Variants in SPACA6 observed in about 807,000 individuals in gnomAD.
SPACA6 encodes the protein sperm acrosome membrane-associated protein 6.
For missense variants in SPACA6, 8 were observed against 2.8 expected, an observed-to-expected ratio of 2.88 and a Z score of -1.34; for synonymous variants, 6 against 1.5, an observed-to-expected ratio of 4.05 and a Z score of -2.21.
upstream of SPACA6, among the ~76,000 whole-genome samples, chr19:51,688,902 GGAGAGA>G (rs138147326): frequency 5.6e-5 from 4 of 70,884 alleles, no homozygotes; most frequent in South Asian, 4.9e-4. Context: ...AGGGAAAGAG[GGAGAGA>G]GAGAGAGAGA....
At chr19:51,711,445 G>A (rs1341637395) in intron 2 of SPACA6, among the ~76,000 whole-genome samples, 3 of 152,190 alleles carry the variant, frequency 2.0e-5, no homozygotes, top group Non-Finnish European at 2.9e-5. Context: ...TGGTGGGAAT[G>A]TAAAACGGTA....
At chr19:51,690,630 A>T (rs886248326), upstream of SPACA6, among the ~76,000 whole-genome samples, 4 of 151,986 alleles carry the variant, frequency 2.6e-5, no homozygotes, top group Non-Finnish European at 1.5e-5. Flanking sequence ...GCCTGGGGGA[A>T]GTCCAGAGCC....
At chr19:51,696,724 C>T (rs546323169) in intron 2 of SPACA6, among the ~76,000 whole-genome samples, 23 of 152,278 alleles carry the variant, frequency 1.5e-4, no homozygotes, top group African/African-American at 4.8e-4. Flanking sequence ...GCTGGGATTA[C>T]AGGCATGAAC....
At position 51,693,723 on chromosome 19, in the gene SPACA6, T is replaced by C; in HGVS notation, c.197T>C (p.Leu66Pro). Residue 66 changes from leucine to proline, a missense_variant, in exon 1 of 9, where the codon CTC (leucine) becomes CCC (proline). Leu to Pro is a moderately conservative substitution (Grantham distance 98). Coordinates refer to ENST00000637797, the MANE Select transcript of SPACA6 (RefSeq NM_001316972.2). Reference protein sequence around the residue: ...EEAFTAAFQGLSDTEINYDER... With the variant: ...EEAFTAAFQGPSDTEINYDER... ...GCCTTCACGGCCGCCTTCCAGGGCC[T>C]CTCTGACACCGAAATCAGTGAGGAG... is the stretch of plus-strand genomic sequence containing the variant. 1 of 406,610 alleles carries C rather than the reference T, an allele frequency of 2.5e-6. No homozygotes were observed. Among genetic ancestry groups the C allele is most frequent in the Non-Finnish European group, 4.4e-6 (1 of 229,308 alleles). The allele number at this position is 406,610 out of a possible 1,614,324, so 25.2% of individuals were successfully genotyped here. A position where few individuals can be genotyped will look rare whatever the true frequency, so the allele number is the denominator to read the frequency against.
chr19:51,699,993 C>A (rs969472344), intron 2 of SPACA6, among the ~76,000 whole-genome samples: 1 of 152,212 alleles, frequency 6.6e-6, no homozygotes, highest in African/African-American at 2.4e-5. Flanking sequence ...GTGGCCCACA[C>A]CTGTAATCCC....
chr19:51,698,670 A>C (rs1465586558), intron 2 of SPACA6, among the ~76,000 whole-genome samples: 1 of 152,154 alleles, frequency 6.6e-6, no homozygotes. Context: ...CTCCAAGTGT[A>C]TATCCAGTGA....
intron 2 of SPACA6, among the ~76,000 whole-genome samples, chr19:51,699,776 T>C (rs1030965412): frequency 2.0e-5 from 3 of 152,004 alleles, no homozygotes; most frequent in Admixed American, 6.6e-5. Flanking sequence ...TCTGAGGTAC[T>C]GGGAGTTAGG....
chr19:51,699,614 G>A (rs2083454182), intron 2 of SPACA6, among the ~76,000 whole-genome samples: 1 of 152,048 alleles, frequency 6.6e-6, no homozygotes, highest in Non-Finnish European at 1.5e-5. Context: ...TCTCTCTTTG[G>A]CTTGTAGATG....
At chr19:51,692,710 C>T (rs1343379938), upstream of SPACA6, 1 of 533,684 alleles carries the variant, frequency 1.9e-6, no homozygotes, top group African/African-American at 1.9e-5. The surrounding 1 kb of genome is among the most constrained non-coding windows in gnomAD (Gnocchi z 5.6). Context: ...CTGGGGCCTC[C>T]CCGGCCCTCC....
upstream of SPACA6, chr19:51,685,860 T>G (rs1332409583): frequency 2.0e-5 from 3 of 152,162 alleles, no homozygotes; most frequent in African/African-American, 7.2e-5. Flanking sequence ...TGAGATCAAG[T>G]GATGGAATGA....
Position 51,701,731 on chromosome 19 carries a change from AAT to A in SPACA6, c.361+7_361+8del, listed in dbSNP as rs1364486997. The A allele has an allele frequency of 2.5e-6, 1 of 398,624 alleles. No homozygotes were observed. Among genetic ancestry groups the A allele is most frequent in the African/African-American group, 2.1e-5 (1 of 48,610 alleles). 24.7% of individuals were successfully genotyped at this position (398,624 alleles called of 1,614,324 possible). The stretch of plus-strand genomic sequence containing the variant: ...TCATTACACAGCTTAAAGAAGGTAA[AAT>A]ACACTCCATCTCTCCTTCCCCAGAC... On this transcript the variant is annotated splice_donor_region_variant and intron_variant, in intron 3 of 8. Coordinates refer to ENST00000637797, the MANE Select transcript of SPACA6 (RefSeq NM_001316972.2).
rs374743418 is a variant in SPACA6 at position 51,694,367 on chromosome 19, G to A, written c.215-111G>A. 3.3e-4 allele frequency: 129 copies of A among 396,024 alleles called. 1 individual carries two copies. In the South Asian group the frequency reaches 0.016, roughly 49 times the overall value. 24.5% of individuals were successfully genotyped at this position (396,024 alleles called of 1,614,324 possible). A position where few individuals can be genotyped will look rare whatever the true frequency, so the allele number is the denominator to read the frequency against. On this transcript the variant is annotated intron_variant, in intron 1 of 8. Coordinates refer to ENST00000637797, the MANE Select transcript of SPACA6 (RefSeq NM_001316972.2). ...ACTGTGGGGCAAAGAGTCAGAGAGGGGAGGATACAGACTTGGGAGGGCAGA... is the reference window on the plus strand; with the variant it reads ...ACTGTGGGGCAAAGAGTCAGAGAGGAGAGGATACAGACTTGGGAGGGCAGA...
chr19:51,702,433 T>A (rs2083475915), intron 3 of SPACA6, 196 bp from the exon 4 acceptor site: 5 of 390,826 alleles, frequency 1.3e-5, no homozygotes, highest in Non-Finnish European at 2.3e-5. Flanking sequence ...GGGCCTGACC[T>A]CCTAGTGGAA....
chr19:51,685,049 G>A (rs10410246), upstream of SPACA6, among the ~76,000 whole-genome samples: 606 of 152,258 alleles, frequency 4.0e-3, 3 homozygotes, highest in African/African-American at 0.012. Context: ...ACCCGGTGCC[G>A]CCTGTTCTAT....
intron 2 of SPACA6, chr19:51,711,919 A>G (rs941588536): frequency 1.3e-5 from 2 of 152,222 alleles, no homozygotes; most frequent in Admixed American, 6.5e-5. Flanking sequence ...GCCAATGGAT[A>G]TGGGGTTCCT....
upstream of SPACA6, chr19:51,686,026 G>A (rs1040777288): frequency 1.3e-5 from 2 of 152,214 alleles, no homozygotes; most frequent in African/African-American, 4.8e-5. Flanking sequence ...TGAAGGCAAT[G>A]ATGGATCCTG....
At chr19:51,701,166 G>A (rs1169925096) in intron 2 of SPACA6, among the ~76,000 whole-genome samples, 3 of 152,114 alleles carry the variant, frequency 2.0e-5, no homozygotes, top group South Asian at 2.1e-4. Flanking sequence ...AGGTTGCGGT[G>A]AGCCGAGATC....
Position 51,693,381 on chromosome 19 carries a change from C to G in SPACA6, c.-146C>G, listed in dbSNP as rs369368301. On this transcript the variant is annotated 5_prime_UTR_variant, in exon 1 of 9. Coordinates refer to ENST00000637797, the MANE Select transcript of SPACA6 (RefSeq NM_001316972.2). ...GAATTGCTGGCCTGACTTCTGACCCCTGACTCCTCATACCCTTCCTCCAGA... is the reference window on the plus strand; with the variant it reads ...GAATTGCTGGCCTGACTTCTGACCCGTGACTCCTCATACCCTTCCTCCAGA... 12 of 702,994 alleles carry G rather than the reference C, an allele frequency of 1.7e-5. No individual in the cohort carries two copies. The highest frequency in any genetic ancestry group is 3.2e-5 in the Non-Finnish European group (12 of 370,762). The allele number at this position is 702,994 out of a possible 1,614,324, so 43.5% of individuals were successfully genotyped here.
At chr19:51,707,338 A>G (rs574600485), downstream of SPACA6, among the ~76,000 whole-genome samples, 1 of 150,686 alleles carries the variant, frequency 6.6e-6, no homozygotes, top group African/African-American at 2.4e-5. Context: ...CTCGTGCCTC[A>G]GTGTCCCGAG....
Sources: gnomAD v4.1 joint callset for allele counts (sites outside exome capture counted in the v4.1 genomes callset) on GRCh38, gnomAD v4.1.1 for gene constraint, Gnocchi (gnomAD v3.1) non-coding constraint, MANE v1.5 for transcripts, NCBI Gene and HGNC (gene_info 2026-07-23, HGNC 2026-07-21) for gene names.